The following CHD9 variants were observed in gnomAD, a reference collection of about 807,000 sequenced individuals.
The protein encoded by CHD9 is ATP-dependent chromatin remodeler CHD9.
CHD9 carries 77 observed loss-of-function variants against 316.1 expected under a neutral mutation model. The ratio of observed to expected loss-of-function variants is 0.24; its 90% confidence interval spans 0.20 to 0.29. The LOEUF (loss-of-function observed/expected upper bound fraction) is 0.29. Among genes scored for constraint, CHD9 ranks in the 10% least tolerant of loss-of-function variants. The pLI is 1.00. For missense variants in CHD9, 2,763 were observed against 3,438.1 expected (o/e 0.80, Z 4.91); for synonymous variants, 1,129 against 1,158.3 (o/e 0.97, Z 0.51).
chr16:53,256,674 A>G (rs1424991422), intron 19 of CHD9, among the ~76,000 whole-genome samples: 3 of 148,432 alleles, frequency 2.0e-5, no homozygotes, highest in African/African-American at 7.4e-5. Context: ...AAATCAAGAC[A>G]TGATAAACTT....
chr16:53,302,032 G>A (rs1012147666), intron 30 of CHD9, among the ~76,000 whole-genome samples: 1 of 151,434 alleles, frequency 6.6e-6, no homozygotes, highest in Non-Finnish European at 1.5e-5. Flanking sequence ...CAAAGTACTG[G>A]GATTGCAGGC....
chr16:53,138,014 A>G (rs2039845515), intron 1 of CHD9, among the ~76,000 whole-genome samples: 1 of 152,198 alleles, frequency 6.6e-6, no homozygotes, highest in South Asian at 2.1e-4. Context: ...ATACTTTGAA[A>G]TAAGTTCCTG....
chr16:53,303,825 G>A lies in CHD9; in HGVS notation c.5819G>A (p.Arg1940Gln), dbSNP rs200901563. 5.6e-5 allele frequency: 91 copies of A among 1,613,830 alleles called. No homozygotes were observed. The highest frequency in any genetic ancestry group is 1.7e-4 in the Admixed American group (10 of 60,004). Residue 1940 changes from arginine (R) to glutamine (Q), a missense_variant, in exon 31 of 39, where the codon CGA becomes CAA. Arg to Gln is a conservative substitution (Grantham distance 43). This residue lies in a region of CHD9 where 663 missense variants were observed against 751.2 expected (regional missense o/e 0.88). Transcript: ENST00000447540. ...AGGAAAGTACGGGAACAGGCCCTTC[G>A]ACATCCACAGTTGTTTGAACGCTTG... is the stretch of plus-strand genomic sequence containing the variant. ...LLRKVREQAL[R>Q]HPQLFERLKL...
At chr16:53,108,700 C>A (rs939256549) in intron 1 of CHD9, among the ~76,000 whole-genome samples, 14 of 151,650 alleles carry the variant, frequency 9.2e-5, no homozygotes, top group African/African-American at 3.4e-4. Flanking sequence ...CATGGTGAAA[C>A]CCTGTCTCTA....
At chr16:53,088,582 T>C (rs1014884453) in intron 1 of CHD9, among the ~76,000 whole-genome samples, 2 of 150,008 alleles carry the variant, frequency 1.3e-5, no homozygotes, top group East Asian at 4.2e-4. Context: ...CCGGCCAACA[T>C]GCACTTATTT....
At chr16:53,249,191 T>G (rs2049928297) in intron 16 of CHD9, among the ~76,000 whole-genome samples, 2 of 152,320 alleles carry the variant, frequency 1.3e-5, no homozygotes, top group South Asian at 2.1e-4. Context: ...ATTTTGCAGG[T>G]ACCAGAGATA....
chr16:53,243,183 AAAAT>A (rs1193451964), intron 13 of CHD9, among the ~76,000 whole-genome samples, 167 bp downstream of exon 13: 6 of 152,154 alleles, frequency 3.9e-5, no homozygotes, highest in African/African-American at 1.2e-4. Context: ...TGTAAGAAAA[AAAAT>A]TCTGTTTCCT....
At chr16:53,125,845 C>G (rs2038947885) in intron 1 of CHD9, among the ~76,000 whole-genome samples, 1 of 152,182 alleles carries the variant, frequency 6.6e-6, no homozygotes, top group Admixed American at 6.5e-5. Flanking sequence ...TTCAACTTAA[C>G]AGTATTTTCA....
At chr16:53,241,034 C>G (rs1484939111) in intron 12 of CHD9, among the ~76,000 whole-genome samples, 1 of 152,046 alleles carries the variant, frequency 6.6e-6, no homozygotes, top group Non-Finnish European at 1.5e-5. Context: ...GTATAAATGC[C>G]AGAGATTTAT....
In CHD9 at chr16:53,157,448, G is replaced by C. The variant is rs1318741437; in HGVS notation, c.1359G>C (p.Gln453His). ...HLVTRPSDMA[Q>H]TQLQSQARSW... ...TAACACGGCCTTCTGATATGGCTCA[G>C]ACTCAGTTGCAAAGTCAGGCTCGGA... Residue 453 changes from glutamine to histidine, a missense_variant, in exon 2 of 39, where the codon CAG (glutamine) becomes CAC (histidine). Physicochemically the swap from Gln to His is conservative, Grantham distance 24. Coordinates refer to ENST00000447540, the MANE Select transcript of CHD9 (RefSeq NM_001308319.2). 1.2e-6 allele frequency: 2 copies of C among 1,613,984 alleles called. No homozygotes were observed. Among genetic ancestry groups the C allele is most frequent in the Non-Finnish European group, 1.7e-6 (2 of 1,179,894 alleles).
chr16:53,110,359 G>A (rs1001158910), intron 1 of CHD9, among the ~76,000 whole-genome samples: 1 of 152,188 alleles, frequency 6.6e-6, no homozygotes, highest in African/African-American at 2.4e-5. Context: ...TGCTTTGGGA[G>A]GCTGAGGCCA....
chr16:53,147,085 T>G (rs148040782), intron 1 of CHD9, among the ~76,000 whole-genome samples: 1 of 152,252 alleles, frequency 6.6e-6, no homozygotes, highest in African/African-American at 2.4e-5. Flanking sequence ...TGACTTAAAT[T>G]TTATGGGGAG....
At chr16:53,086,682 T>A (rs1256874517) in intron 1 of CHD9, among the ~76,000 whole-genome samples, 1 of 152,186 alleles carries the variant, frequency 6.6e-6, no homozygotes. Context: ...GCACAAAATG[T>A]TTTTTATTAT....
At chr16:53,106,465 C>T (rs2037359043) in intron 1 of CHD9, among the ~76,000 whole-genome samples, 1 of 152,186 alleles carries the variant, frequency 6.6e-6, no homozygotes. Flanking sequence ...CGAAGGACAG[C>T]TGGAAGGCAG....
At chr16:53,206,403 T>G (rs1156308036) in intron 2 of CHD9, among the ~76,000 whole-genome samples, 2 of 151,928 alleles carry the variant, frequency 1.3e-5, no homozygotes, top group African/African-American at 2.4e-5. Flanking sequence ...TTGGTATCTC[T>G]GCAATTTTGA....
In CHD9 at chr16:53,245,209, C is replaced by T. The variant is rs1325375956; in HGVS notation, c.3055-127C>T. 1.2e-5 allele frequency: 7 copies of T among 602,048 alleles called. No individual in the cohort carries two copies. In the Admixed American group the frequency reaches 2.4e-4, roughly 21 times the overall value. The allele number at this position is 602,048 out of a possible 1,614,324, so 37.3% of individuals were successfully genotyped here. A position where few individuals can be genotyped will look rare whatever the true frequency, so the allele number is the denominator to read the frequency against. Reference sequence around the variant, plus strand: ...ATATATATATATACACACACACACACATAACATATATATATGTATATATAG... The same window carrying T: ...ATATATATATATACACACACACACATATAACATATATATATGTATATATAG... On this transcript the variant is annotated intron_variant, in intron 13 of 38. Transcript: ENST00000447540. This position sits in a 1 kb window ranked among gnomAD's most constrained non-coding sequence, Gnocchi z 4.1.
At chr16:53,249,752 T>C (rs1198499631) in intron 16 of CHD9, 119 bp from the exon 17 acceptor site, 3 of 795,812 alleles carry the variant, frequency 3.8e-6, no homozygotes, top group Non-Finnish European at 6.0e-6. Context: ...TGAGATGATA[T>C]TGCTTCTTAA....
At chr16:53,155,695 C>G (rs1365678431) in intron 1 of CHD9, among the ~76,000 whole-genome samples, 1 of 152,144 alleles carries the variant, frequency 6.6e-6, no homozygotes, top group Non-Finnish European at 1.5e-5. Context: ...TCACCAATCA[C>G]CAGTCCTTTC....
intron 1 of CHD9, among the ~76,000 whole-genome samples, chr16:53,150,004 G>C (rs930486103): frequency 1.3e-5 from 2 of 151,986 alleles, no homozygotes; most frequent in African/African-American, 4.8e-5. Flanking sequence ...GGAACCTCTT[G>C]TAAACAGTAT....
Sources: gnomAD v4.1 joint callset for allele counts (sites outside exome capture counted in the v4.1 genomes callset) on GRCh38, gnomAD v4.1.1 for gene constraint, gnomAD v4.1.1 regional missense constraint, Gnocchi (gnomAD v3.1) non-coding constraint, MANE v1.5 for transcripts, NCBI Gene and HGNC (gene_info 2026-07-23, HGNC 2026-07-21) for gene names.